Variants in RTN4 observed in about 807,000 individuals in gnomAD.
RTN4 encodes the protein reticulon-4.
In RTN4, 32 loss-of-function variants were observed where a neutral mutation model predicts 90.4. The ratio of observed to expected loss-of-function variants is 0.35; its 90% CI spans 0.27 to 0.48. The LOEUF (loss-of-function observed/expected upper bound fraction) is 0.48, where lower values mean the gene tolerates loss of function less well. Ranked by LOEUF, RTN4 falls within the 20% of genes least tolerant of loss-of-function variation. The pLI, the probability that RTN4 is intolerant of heterozygous loss-of-function variation, is 0.99. For synonymous variants in RTN4, 629 were observed against 552.5 expected (o/e 1.14, Z -1.94); for missense variants, 1,706 against 1,430.2 (o/e 1.19, Z -3.11).
At position 55,061,131 on chromosome 2, in the gene RTN4, T is replaced by C. The variant is rs377047123; in HGVS notation, c.-63+19358A>G. On this transcript the variant is annotated intron_variant, in intron 2 of 3. Transcript: ENST00000427710. ...CCCAGGCTGGAGTGCAGTGGCACCA[T>C]CTCGGTTCACTGCAACCTCCGCCTC... is the stretch of plus-strand genomic sequence containing the variant. 2.2e-3 allele frequency among the ~76,000 whole-genome samples: 324 copies of C among 148,610 alleles called. 1 individual carries two copies. Among genetic ancestry groups the C allele is most frequent in the African/African-American group, 7.0e-3 (282 of 40,144 alleles).
chr2:55,131,865 C>T, the RTN4 span, among the ~76,000 whole-genome samples: 3 of 152,146 alleles, frequency 2.0e-5, no homozygotes, highest in African/African-American at 7.2e-5. Flanking sequence ...GCCTGGGCAA[C>T]AGAGCGAGAC....
In RTN4 at chr2:54,982,698, T is replaced by C. The variant is rs571656387; in HGVS notation, c.3222-45A>G. 3.9e-6 allele frequency: 6 copies of C among 1,553,180 alleles called. No individual in the cohort carries two copies. In the South Asian group the frequency reaches 6.0e-5, roughly 16 times the overall value. On this transcript the variant is annotated intron_variant, in intron 4 of 8. Coordinates refer to ENST00000337526, the MANE Select transcript of RTN4 (RefSeq NM_020532.5). ...ATAATTGTCACTAATTGGAGTGATT[T>C]TCCCCTAAATGTCAATCAGAAATTA... is the stretch of plus-strand genomic sequence containing the variant.
chr2:54,993,515 C>G (rs927641380), intron 3 of RTN4, among the ~76,000 whole-genome samples: 4 of 152,174 alleles, frequency 2.6e-5, no homozygotes, highest in African/African-American at 9.7e-5. Context: ...CCCAGCAGTA[C>G]TCAATGATAG....
intron 3 of RTN4, among the ~76,000 whole-genome samples, chr2:54,991,861 A>G (rs1419012454): frequency 6.6e-6 from 1 of 152,222 alleles, no homozygotes; most frequent in African/African-American, 2.4e-5. Context: ...CAATTTTTCA[A>G]GCAATTATAA....
At chr2:54,973,250 A>C in intron 8 of RTN4, 52 bp from the exon 9 acceptor site, 4 of 1,426,262 alleles carry the variant, frequency 2.8e-6, no homozygotes, top group Non-Finnish European at 3.9e-6. Flanking sequence ...TGCTGCTTAA[A>C]ATACCATCTT....
chr2:55,047,354 TAAA>T (rs1007834246), intron 1 of RTN4, among the ~76,000 whole-genome samples: 2 of 151,854 alleles, frequency 1.3e-5, no homozygotes, highest in African/African-American at 4.8e-5. Context: ...AATTCCTGTT[TAAA>T]AATATATTTC....
the RTN4 span, among the ~76,000 whole-genome samples, chr2:55,135,261 G>T: frequency 6.9e-6 from 1 of 145,380 alleles, no homozygotes; most frequent in East Asian, 2.0e-4. Context: ...AGGCTGGAGT[G>T]CAGTGGCTCA....
At chr2:55,110,936 G>A (rs1253843448) in intron 1 of RTN4, among the ~76,000 whole-genome samples, 2 of 152,156 alleles carry the variant, frequency 1.3e-5, no homozygotes, top group African/African-American at 4.8e-5. Flanking sequence ...AGCTACTTGG[G>A]AAGCTGAGGC....
chr2:55,046,835 C>T (rs1379534420), intron 1 of RTN4: 3 of 152,140 alleles, frequency 2.0e-5, no homozygotes, highest in Non-Finnish European at 4.4e-5. Context: ...TAAAGTTTCC[C>T]AATAGGTATC....
chr2:54,994,115 T>C (rs551377991), intron 3 of RTN4, among the ~76,000 whole-genome samples: 1 of 152,366 alleles, frequency 6.6e-6, no homozygotes, highest in Non-Finnish European at 1.5e-5. Context: ...GAGGAATGTA[T>C]AGAACTTTAT....
chr2:55,078,469 C>T (rs1407626633), intron 2 of RTN4, among the ~76,000 whole-genome samples: 3 of 152,162 alleles, frequency 2.0e-5, no homozygotes, highest in Admixed American at 2.0e-4. Context: ...AGTTCTTCTT[C>T]TACATTATAG....
At chr2:55,003,236 A>G (rs1679970479) in intron 3 of RTN4, among the ~76,000 whole-genome samples, 1 of 152,216 alleles carries the variant, frequency 6.6e-6, no homozygotes, top group Admixed American at 6.5e-5. Context: ...TTGTACACAC[A>G]ATATAAATGT....
intron 1 of RTN4, among the ~76,000 whole-genome samples, chr2:55,047,382 C>A (rs1398451586): frequency 6.6e-6 from 1 of 151,320 alleles, no homozygotes; most frequent in Non-Finnish European, 1.5e-5. Context: ...TTTTCTCTTA[C>A]CTCAGTTTCC....
intron 3 of RTN4, among the ~76,000 whole-genome samples, chr2:54,991,677 T>C (rs1305916393): frequency 3.3e-5 from 5 of 152,244 alleles, no homozygotes; most frequent in Non-Finnish European, 7.3e-5. Context: ...GGGCATTATC[T>C]GTGCTCAATA....
At chr2:55,021,300 T>C (rs1363001675) in intron 3 of RTN4, among the ~76,000 whole-genome samples, 1 of 152,094 alleles carries the variant, frequency 6.6e-6, no homozygotes, top group African/African-American at 2.4e-5. Context: ...TAGATCACAA[T>C]GTTTAACTAT....
intron 3 of RTN4, among the ~76,000 whole-genome samples, chr2:54,998,140 A>C (rs534980507): frequency 6.6e-6 from 1 of 151,750 alleles, no homozygotes; most frequent in South Asian, 2.1e-4. Flanking sequence ...TATGCAAGTT[A>C]TGAATTCTGT....
chr2:55,100,921 T>G (rs1299615641), intron 1 of RTN4, among the ~76,000 whole-genome samples: 2 of 151,892 alleles, frequency 1.3e-5, no homozygotes, highest in Non-Finnish European at 2.9e-5. Context: ...ATAGCTGTCA[T>G]TAGATTACTT....
chr2:55,125,936 C>A, the RTN4 span, among the ~76,000 whole-genome samples: 327 of 151,864 alleles, frequency 2.2e-3, 5 homozygotes, highest in East Asian at 0.037. Flanking sequence ...CAGCACATGC[C>A]TATAGTCCCA....
At chr2:54,975,713 C>G (rs1239732733) in intron 5 of RTN4, among the ~76,000 whole-genome samples, 2 of 152,212 alleles carry the variant, frequency 1.3e-5, no homozygotes, top group South Asian at 4.1e-4. Flanking sequence ...ATTAAACGAA[C>G]TCTGACTGAA....
Sources: gnomAD v4.1 joint callset for allele counts (sites outside exome capture counted in the v4.1 genomes callset) on GRCh38, gnomAD v4.1.1 for gene constraint, MANE v1.5 for transcripts, NCBI Gene and HGNC (gene_info 2026-07-23, HGNC 2026-07-21) for gene names.